The following HS6ST2 variants were observed in gnomAD, a reference collection of about 807,000 sequenced individuals.
HS6ST2 encodes the protein heparan sulfate 6-O-sulfotransferase 2, also known as heparan-sulfate 6-O-sulfotransferase 2.
Under a neutral mutation model 33.0 loss-of-function variants are expected in HS6ST2, and 17 were observed. The ratio of observed to expected loss-of-function variants is 0.52; its 90% CI spans 0.35 to 0.77. HS6ST2 has a LOEUF of 0.77. HS6ST2 is among the 30% of genes least tolerant of loss of function. HS6ST2 has a pLI of 0.01. For synonymous variants in HS6ST2, 248 were observed against 237.1 expected (o/e 1.05, Z -0.42); for missense variants, 519 against 551.7 (o/e 0.94, Z 0.59).
intron 2 of HS6ST2, among the ~76,000 whole-genome samples, chrX:132,776,944 T>C (rs905234147): frequency 9.1e-6 from 1 of 110,081 alleles, no homozygotes; most frequent in African/African-American, 3.3e-5. Flanking sequence ...ACTTCCTCAT[T>C]TGACTGTCTC....
chrX:132,661,146 G>T (rs1228388897), intron 4 of HS6ST2, among the ~76,000 whole-genome samples: 1 of 110,916 alleles, frequency 9.0e-6, no homozygotes, highest in Non-Finnish European at 1.9e-5. Context: ...ATTTGGGTGG[G>T]GACACATAGC....
chrX:132,886,492 A>T (rs779828494), intron 2 of HS6ST2, among the ~76,000 whole-genome samples: 5 of 111,598 alleles, frequency 4.5e-5, no homozygotes, highest in Non-Finnish European at 3.8e-5. Flanking sequence ...AGGAGAGAAG[A>T]CAAAAAGGGA....
At chrX:132,754,338 C>T (rs148129883) in intron 2 of HS6ST2, among the ~76,000 whole-genome samples, 1,122 of 110,720 alleles carry the variant, frequency 0.01, 35 homozygotes, top group Admixed American at 0.098. Context: ...TGGTGATGTT[C>T]ACATTGATCA....
intron 2 of HS6ST2, among the ~76,000 whole-genome samples, chrX:132,753,876 G>A (rs1283037492): frequency 1.8e-5 from 2 of 111,701 alleles, no homozygotes; most frequent in Non-Finnish European, 3.8e-5. Flanking sequence ...GAATAGTTTT[G>A]GATTTCTAGA....
At chrX:132,673,977 T>C (rs1195150538) in intron 3 of HS6ST2, among the ~76,000 whole-genome samples, 1 of 112,145 alleles carries the variant, frequency 8.9e-6, no homozygotes, top group Non-Finnish European at 1.9e-5. Context: ...CATTTTTTTC[T>C]ATCTTGTTAG....
chrX:132,753,928 C>A (rs2064733264), intron 2 of HS6ST2, among the ~76,000 whole-genome samples: 1 of 112,510 alleles, frequency 8.9e-6, no homozygotes, highest in Non-Finnish European at 1.9e-5. Flanking sequence ...AAGCCCCACA[C>A]CCAGTTTCCC....
At chrX:132,751,159 G>C (rs1402481456) in intron 2 of HS6ST2, among the ~76,000 whole-genome samples, 1 of 109,283 alleles carries the variant, frequency 9.2e-6, no homozygotes, top group Non-Finnish European at 1.9e-5. Context: ...CAACCTCTGG[G>C]TACACAAAGA....
intron 2 of HS6ST2, among the ~76,000 whole-genome samples, chrX:132,923,324 T>G (rs1382474637): frequency 9.0e-6 from 1 of 111,536 alleles, no homozygotes; most frequent in Non-Finnish European, 1.9e-5. Context: ...CAACCTGTCA[T>G]GACTTGAACC....
intron 2 of HS6ST2, among the ~76,000 whole-genome samples, chrX:132,792,170 G>A (rs1367832892): frequency 8.9e-6 from 1 of 112,174 alleles, no homozygotes; most frequent in African/African-American, 3.2e-5. Flanking sequence ...GGAATAATTG[G>A]GTCCTGATCC....
rs1198179034 is a variant in HS6ST2 at position 132,956,814 on chromosome X, G to C, written c.941C>G (p.Pro314Arg). ...VDGKRDARLRPSRWRIFQILD... is the reference protein window; with the variant it reads ...VDGKRDARLRRSRWRIFQILD... ...ACTACCGGCGCGCACTCACCTGGACGGTCTCAGCCTGGCGTCGCGCTTGCC... is the reference window on the plus strand; with the variant it reads ...ACTACCGGCGCGCACTCACCTGGACCGTCTCAGCCTGGCGTCGCGCTTGCC... The change falls in exon 2 of 5, where the codon CCG becomes CGG. Residue 314 changes from proline to arginine, a missense_variant. Transcript: ENST00000370833. 8 of 1,167,293 alleles carry C rather than the reference G, an allele frequency of 6.9e-6. No homozygotes were observed. The highest frequency in any genetic ancestry group is 8.0e-6 in the Non-Finnish European group (7 of 873,163).
At chrX:132,794,668 A>G (rs1451667733) in intron 2 of HS6ST2, among the ~76,000 whole-genome samples, 4 of 110,057 alleles carry the variant, frequency 3.6e-5, no homozygotes, top group Non-Finnish European at 7.6e-5. Flanking sequence ...CAAGCAATCC[A>G]CCCACCTCGG....
rs772704407 is a variant in HS6ST2 at position 132,669,189 on chromosome X, G to A, written c.991C>T (p.Arg331Trp). Residue 331 changes from arginine (R) to tryptophan (W), a missense_variant, in exon 4 of 5, where the codon CGG becomes TGG. Coordinates refer to ENST00000370833, the MANE Select transcript of HS6ST2 (RefSeq NM_001394073.1). ...CCTGCGTTAGTGTTTGGAGAACCCC[G>A]TTTATCCTTACTATACCCACAGAAA... ...QILDAASKDK[R>W]GSPNTNAGAN... 20 of 1,206,307 alleles carry A rather than the reference G, an allele frequency of 1.7e-5. No homozygotes were observed. Among genetic ancestry groups the A allele is most frequent in the Non-Finnish European group, 2.2e-5 (20 of 891,917 alleles).
chrX:132,918,004 C>T (rs960934824), intron 2 of HS6ST2, among the ~76,000 whole-genome samples: 2 of 112,246 alleles, frequency 1.8e-5, no homozygotes, highest in African/African-American at 6.5e-5. Flanking sequence ...ACTGTCCTCC[C>T]CATTTTAGAG....
rs757268080 is a variant in HS6ST2 at position 132,818,573 on chromosome X, A to G, written c.948-110079T>C. Among the ~76,000 whole-genome samples, 5 of 111,833 alleles carry G rather than the reference A, an allele frequency of 4.5e-5. No homozygotes were observed. The East Asian group carries it at 1.1e-3, about 25-fold the overall frequency. ...GGAGGTTTTGTCTCTTGAAAATTACAAGCTCATGTTTCTCACCTACAACTA... is the reference window on the plus strand; with the variant it reads ...GGAGGTTTTGTCTCTTGAAAATTACGAGCTCATGTTTCTCACCTACAACTA... On this transcript the variant is annotated intron_variant, in intron 2 of 4. Coordinates refer to ENST00000370833, the MANE Select transcript of HS6ST2 (RefSeq NM_001394073.1).
intron 4 of HS6ST2, among the ~76,000 whole-genome samples, chrX:132,639,833 C>A (rs780106662): frequency 8.9e-6 from 1 of 111,924 alleles, no homozygotes; most frequent in Non-Finnish European, 1.9e-5. Context: ...CTGGGACTAT[C>A]ATGGTTTGCT....
intron 2 of HS6ST2, 80 bp downstream of exon 2, chrX:132,956,728 C>T: frequency 9.4e-7 from 1 of 1,066,548 alleles, no homozygotes; most frequent in Non-Finnish European, 1.2e-6. Flanking sequence ...CGCGCTAGGT[C>T]CCCGGCTTGG....
At chrX:132,680,937 T>G (rs1290377400) in intron 3 of HS6ST2, among the ~76,000 whole-genome samples, 6 of 109,882 alleles carry the variant, frequency 5.5e-5, no homozygotes, top group Non-Finnish European at 1.1e-4. Context: ...GAGGCAGAGG[T>G]TGCAGTGAGC....
intron 2 of HS6ST2, among the ~76,000 whole-genome samples, chrX:132,888,124 A>T (rs2066270441): frequency 8.9e-6 from 1 of 112,042 alleles, no homozygotes; most frequent in African/African-American, 3.2e-5. Flanking sequence ...AAAATCATTA[A>T]ATTGTACAAT....
Position 132,869,357 on chromosome X carries a change from T to C in HS6ST2, c.947+87451A>G, listed in dbSNP as rs763880979. On this transcript the variant is annotated intron_variant, in intron 2 of 4. Coordinates refer to ENST00000370833, the MANE Select transcript of HS6ST2 (RefSeq NM_001394073.1). ...GAGGTACAAAGAAGAGCTGGTACTA[T>C]TCCTTCTGAAACTATTCCAATCAAT... is the stretch of plus-strand genomic sequence containing the variant. Among the ~76,000 whole-genome samples the C allele has an allele frequency of 3.6e-5, 4 of 112,092 alleles. No individual in the cohort carries two copies. The South Asian group carries it at 1.5e-3, about 42-fold the overall frequency.
Sources: gnomAD v4.1 joint callset for allele counts (sites outside exome capture counted in the v4.1 genomes callset) on GRCh38, gnomAD v4.1.1 for gene constraint, MANE v1.5 for transcripts, NCBI Gene and HGNC (gene_info 2026-07-23, HGNC 2026-07-21) for gene names.